The following SH3RF1 variants were observed in gnomAD, a reference collection of about 807,000 sequenced individuals.
SH3RF1 encodes the protein E3 ubiquitin-protein ligase SH3RF1.
Under a neutral mutation model 74.0 loss-of-function variants are expected in SH3RF1, and 32 were observed. The ratio of observed to expected loss-of-function variants is 0.43; its 90% confidence interval spans 0.33 to 0.58. The LOEUF is 0.58. Ranked by LOEUF, SH3RF1 falls within the 20% of genes least tolerant of loss-of-function variation. The probability of loss-of-function intolerance (pLI) is 0.05; values close to 1 mark genes in which losing one functional copy is unlikely to be tolerated. For synonymous variants in SH3RF1, 396 were observed against 439.6 expected, an observed-to-expected ratio of 0.90 and a Z score of 1.24; for missense variants, 954 against 1,130.9, an observed-to-expected ratio of 0.84 and a Z score of 2.24.
intron 2 of SH3RF1, among the ~76,000 whole-genome samples, chr4:169,234,375 C>A (rs1227499456): frequency 2.0e-5 from 3 of 152,018 alleles, no homozygotes; most frequent in African/African-American, 7.3e-5. Flanking sequence ...TTGGGAAACC[C>A]TGATTTAGAA....
intron 2 of SH3RF1, among the ~76,000 whole-genome samples, chr4:169,218,301 A>G (rs1730498750): frequency 1.0e-5 from 1 of 96,680 alleles, no homozygotes; most frequent in African/African-American, 3.0e-5. Flanking sequence ...TATATAATAT[A>G]AATATAGAAT....
intron 2 of SH3RF1, among the ~76,000 whole-genome samples, chr4:169,223,792 A>G (rs1730609564): frequency 6.6e-6 from 1 of 152,230 alleles, no homozygotes; most frequent in South Asian, 2.1e-4. Flanking sequence ...ATAGGTAATC[A>G]ATAAGAATGT....
chr4:169,264,326 C>A (rs144400089), intron 2 of SH3RF1, among the ~76,000 whole-genome samples: 1 of 152,130 alleles, frequency 6.6e-6, no homozygotes, highest in Non-Finnish European at 1.5e-5. Context: ...TATAAGAACA[C>A]TGGTCTTACT....
At chr4:169,254,910 G>A (rs189561989) in intron 2 of SH3RF1, among the ~76,000 whole-genome samples, 1 of 152,286 alleles carries the variant, frequency 6.6e-6, no homozygotes, top group Non-Finnish European at 1.5e-5. Context: ...ATTCAGTCCA[G>A]ATAAAAAGAG....
At chr4:169,256,927 G>A (rs946729305) in intron 2 of SH3RF1, among the ~76,000 whole-genome samples, 2 of 152,220 alleles carry the variant, frequency 1.3e-5, no homozygotes, top group African/African-American at 4.8e-5. Flanking sequence ...CAATATAACT[G>A]TGATATGGTA....
At chr4:169,270,570 C>G (rs1337991763) in intron 1 of SH3RF1, among the ~76,000 whole-genome samples, 1 of 152,208 alleles carries the variant, frequency 6.6e-6, no homozygotes, top group Non-Finnish European at 1.5e-5. Context: ...CAAGATAAGG[C>G]GACAGTCCCC....
At position 169,165,811 on chromosome 4, in the gene SH3RF1, A is replaced by G. The variant is rs1026443654; in HGVS notation, c.394-9132T>C. The stretch of plus-strand genomic sequence containing the variant: ...AAGCAATATTGAAATAAACCTACAC[A>G]CATATAAACAACTAGACAAAAGCGT... On this transcript the variant is annotated intron_variant, in intron 2 of 11. Coordinates refer to ENST00000284637, the MANE Select transcript of SH3RF1 (RefSeq NM_020870.4). Among the ~76,000 whole-genome samples the G allele has an allele frequency of 3.3e-5, 5 of 152,338 alleles. No homozygotes were observed. The East Asian group carries it at 9.6e-4, about 29-fold the overall frequency.
chr4:169,181,338 C>T (rs886470514), intron 2 of SH3RF1, among the ~76,000 whole-genome samples: 3 of 146,598 alleles, frequency 2.0e-5, no homozygotes, highest in Admixed American at 1.4e-4. Flanking sequence ...CCTCAATTCA[C>T]TGCAACCTCC....
intron 2 of SH3RF1, among the ~76,000 whole-genome samples, chr4:169,239,815 G>T (rs1335279397): frequency 6.6e-6 from 1 of 152,156 alleles, no homozygotes; most frequent in Non-Finnish European, 1.5e-5. Context: ...GAGGTCAGGA[G>T]TTCAAGACCA....
At chr4:169,229,580 CTTTG>C (rs1730702220) in intron 2 of SH3RF1, among the ~76,000 whole-genome samples, 1 of 152,036 alleles carries the variant, frequency 6.6e-6, no homozygotes, top group South Asian at 2.1e-4. Flanking sequence ...AGTCCTCTAA[CTTTG>C]TTTAACATCA....
At chr4:169,163,920 G>A (rs902017756) in intron 2 of SH3RF1, among the ~76,000 whole-genome samples, 5 of 152,152 alleles carry the variant, frequency 3.3e-5, no homozygotes, top group Admixed American at 3.3e-4. Context: ...GGAATCAGGT[G>A]TAAATAAGGC....
At chr4:169,118,457 T>G (rs573521325) in intron 8 of SH3RF1, among the ~76,000 whole-genome samples, 21 of 152,118 alleles carry the variant, frequency 1.4e-4, no homozygotes, top group Admixed American at 2.0e-4. Flanking sequence ...TATATTATTA[T>G]TAGTAGTAGT....
intron 2 of SH3RF1, among the ~76,000 whole-genome samples, chr4:169,157,891 C>T (rs1734085284): frequency 6.6e-6 from 1 of 151,170 alleles, no homozygotes. Context: ...CAGGCAAGCA[C>T]CACTATGTCT....
intron 2 of SH3RF1, among the ~76,000 whole-genome samples, chr4:169,206,598 G>T (rs1730268330): frequency 6.6e-6 from 1 of 152,216 alleles, no homozygotes; most frequent in Admixed American, 6.5e-5. Context: ...TTTGGGACAA[G>T]TGCTTATTAT....
chr4:169,252,889 G>A (rs1325650072), intron 2 of SH3RF1, among the ~76,000 whole-genome samples: 1 of 152,098 alleles, frequency 6.6e-6, no homozygotes, highest in Non-Finnish European at 1.5e-5. Context: ...TAGCAAAGGG[G>A]AAGTTAAACA....
At chr4:169,238,335 C>A (rs149538473) in intron 2 of SH3RF1, among the ~76,000 whole-genome samples, 1 of 152,192 alleles carries the variant, frequency 6.6e-6, no homozygotes, top group African/African-American at 2.4e-5. Context: ...ATGTGAGGAA[C>A]GCTAGCACTG....
At chr4:169,110,633 CA>C (rs1733227741) in intron 10 of SH3RF1, among the ~76,000 whole-genome samples, 2 of 152,040 alleles carry the variant, frequency 1.3e-5, no homozygotes, top group South Asian at 4.2e-4. Flanking sequence ...AATAAAAGAA[CA>C]ATAGGAAAGG....
chr4:169,180,549 G>A (rs17544477), intron 2 of SH3RF1, among the ~76,000 whole-genome samples: 12,223 of 152,264 alleles, frequency 0.08, 697 homozygotes, highest in Non-Finnish European at 0.12. Flanking sequence ...GCAGACTAAC[G>A]CAGAGTAAAC....
intron 2 of SH3RF1, among the ~76,000 whole-genome samples, chr4:169,177,344 G>C (rs1734438164): frequency 6.6e-6 from 1 of 152,096 alleles, no homozygotes; most frequent in South Asian, 2.1e-4. Context: ...TTGTACACTA[G>C]AGAATCTTTA....
Sources: allele counts gnomAD v4.1 joint callset (sites outside exome capture counted in the v4.1 genomes callset), GRCh38; gene constraint gnomAD v4.1.1; transcripts MANE v1.5; gene names NCBI Gene and HGNC (gene_info 2026-07-23, HGNC 2026-07-21).